CD33: variants seen among roughly 807,000 people sequenced by gnomAD.
The protein encoded by CD33 is CD33 molecule.
A neutral mutation model predicts 31.4 loss-of-function variants in CD33; 25 were observed. The ratio of observed to expected loss-of-function variants is 0.80; its 90% confidence interval spans 0.58 to 1.11. CD33 has a LOEUF of 1.11. CD33 is among the 50% of genes most tolerant of loss of function. The pLI is 0.00. For missense variants in CD33, 407 were observed against 448.1 expected (o/e 0.91, Z 0.83); for synonymous variants, 176 against 180.6 (o/e 0.97, Z 0.20).
upstream of CD33, among the ~76,000 whole-genome samples, chr19:51,223,306 G>A (rs1944823408): frequency 1.3e-5 from 2 of 152,106 alleles, no homozygotes; most frequent in African/African-American, 4.8e-5. Flanking sequence ...ATTATTTACT[G>A]GAGACTTAAT....
At chr19:51,211,271 G>A in the CD33 span, 23 of 1,574,726 alleles carry the variant, frequency 1.5e-5, 1 homozygote, top group Admixed American at 5.4e-5. Flanking sequence ...GTACAGGAGG[G>A]TTTGTGCGTC....
the CD33 span, among the ~76,000 whole-genome samples, chr19:51,212,729 A>G: frequency 6.6e-6 from 1 of 152,182 alleles, no homozygotes; most frequent in Non-Finnish European, 1.5e-5. Context: ...GGAAGAACTT[A>G]ACAATGCACA....
Position 51,235,523 on chromosome 19 carries a change from C to T in CD33, c.843-72C>T. On this transcript the variant is annotated intron_variant, in intron 5 of 6. Coordinates refer to ENST00000262262, the MANE Select transcript of CD33 (RefSeq NM_001772.4). Reference sequence around the variant, plus strand: ...CCACCCTTTACCTGCCAAAGTCCCTCATTCCAGGCTCATAACAATGGCCCC... The same window carrying T: ...CCACCCTTTACCTGCCAAAGTCCCTTATTCCAGGCTCATAACAATGGCCCC... 2.0e-6 allele frequency: 3 copies of T among 1,524,900 alleles called. No individual in the cohort carries two copies. The Admixed American group carries it at 6.4e-5, about 33-fold the overall frequency. The allele number at this position is 1,524,900 out of a possible 1,614,324, so 94.5% of individuals were successfully genotyped here.
At chr19:51,234,246 T>C (rs1330719102) in intron 4 of CD33, among the ~76,000 whole-genome samples, 1 of 152,166 alleles carries the variant, frequency 6.6e-6, no homozygotes, top group Non-Finnish European at 1.5e-5. Flanking sequence ...ATCAGAGTGG[T>C]ACATTTGTTA....
the CD33 span, among the ~76,000 whole-genome samples, chr19:51,215,450 C>T: frequency 6.6e-6 from 1 of 152,294 alleles, no homozygotes; most frequent in African/African-American, 2.4e-5. Context: ...TCTGGCCACA[C>T]TTATATGCCC....
the CD33 span, among the ~76,000 whole-genome samples, chr19:51,213,777 C>T: frequency 3.3e-5 from 5 of 151,920 alleles, no homozygotes; most frequent in Non-Finnish European, 7.4e-5. Flanking sequence ...CTCAAGTAAT[C>T]TGCCTGCCTC....
intron 4 of CD33, among the ~76,000 whole-genome samples, chr19:51,233,230 T>C (rs573621940): frequency 2.0e-5 from 3 of 152,356 alleles, no homozygotes; most frequent in East Asian, 3.9e-4. Flanking sequence ...TACCCCAGCC[T>C]GGGGATGTAT....
At chr19:51,212,514 C>T in the CD33 span, among the ~76,000 whole-genome samples, 1 of 151,780 alleles carries the variant, frequency 6.6e-6, no homozygotes, top group Admixed American at 6.6e-5. Context: ...GCCATCTGAA[C>T]ACCTGTCCCC....
chr19:51,213,037 T>C, the CD33 span, among the ~76,000 whole-genome samples: 1 of 152,252 alleles, frequency 6.6e-6, no homozygotes, highest in African/African-American at 2.4e-5. Context: ...ATGTGGGACC[T>C]GTTCCTAAAC....
chr19:51,220,869 C>A (rs774991320), upstream of CD33, among the ~76,000 whole-genome samples: 1 of 152,024 alleles, frequency 6.6e-6, no homozygotes, highest in African/African-American at 2.4e-5. Context: ...GGAATGGGGT[C>A]TATTATACCA....
the CD33 span, chr19:51,211,298 T>C: frequency 3.2e-6 from 5 of 1,569,912 alleles, no homozygotes; most frequent in South Asian, 1.2e-5. Context: ...CCCTGCACTT[T>C]CTCCCATCCC....
chr19:51,239,419 G>A lies in CD33; in HGVS notation c.925-99G>A. The A allele has an allele frequency of 3.7e-6, 3 of 816,034 alleles. No individual in the cohort carries two copies. In the South Asian group the frequency reaches 6.5e-5, roughly 18 times the overall value. The allele number at this position is 816,034 out of a possible 1,614,324, so 50.5% of individuals were successfully genotyped here. A position where few individuals can be genotyped will look rare whatever the true frequency, so the allele number is the denominator to read the frequency against. ...TGAAAGAATGAAAGAGTGAATAAAT[G>A]TTCTGTCAGAGTCAAATTTACTTCA... On this transcript the variant is annotated intron_variant, in intron 6 of 6. Transcript: ENST00000262262.
intron 4 of CD33, among the ~76,000 whole-genome samples, chr19:51,233,505 G>A (rs1981568124): frequency 6.6e-6 from 1 of 152,210 alleles, no homozygotes. Context: ...AGAGGTGCAT[G>A]CCACTGGCCC....
chr19:51,235,524 A>G, intron 5 of CD33, 71 bp from the exon 6 acceptor site: 1 of 1,529,860 alleles, frequency 6.5e-7, no homozygotes, highest in Admixed American at 2.1e-5. Context: ...AAAGTCCCTC[A>G]TTCCAGGCTC....
chr19:51,226,250 T>A (rs1244535085), intron 3 of CD33, 59 bp from the exon 4 acceptor site: 1 of 1,547,388 alleles, frequency 6.5e-7, no homozygotes, highest in Non-Finnish European at 8.9e-7. Context: ...TAAGGGGAAA[T>A]GCCTACCCTT....
chr19:51,235,742 G>A (rs377686525), intron 6 of CD33, 66 bp downstream of exon 6: 36 of 1,260,756 alleles, frequency 2.9e-5, no homozygotes, highest in African/African-American at 1.8e-4. Context: ...GTGGCCCACC[G>A]TCATGCCCCA....
At chr19:51,224,822 T>C (rs958694825), upstream of CD33, among the ~76,000 whole-genome samples, 8 of 152,158 alleles carry the variant, frequency 5.3e-5, no homozygotes, top group Non-Finnish European at 1.0e-4. Context: ...GGGGTTCGCA[T>C]GTCTCAGATG....
At chr19:51,238,581 G>A (rs1981957965) in intron 6 of CD33, 1 of 152,374 alleles carries the variant, frequency 6.6e-6, no homozygotes, top group African/African-American at 2.4e-5. Context: ...GGAGAGGTTG[G>A]TCATTTGTTT....
intron 4 of CD33, among the ~76,000 whole-genome samples, chr19:51,232,270 C>T (rs1981479850): frequency 6.6e-6 from 1 of 152,168 alleles, no homozygotes; most frequent in East Asian, 1.9e-4. Flanking sequence ...TGCTGAGAAA[C>T]TCACTGTTAG....
Sources: allele counts gnomAD v4.1 joint callset (sites outside exome capture counted in the v4.1 genomes callset), GRCh38; gene constraint gnomAD v4.1.1; transcripts MANE v1.5; gene names NCBI Gene and HGNC (gene_info 2026-07-23, HGNC 2026-07-21).